Variants in LPP observed in about 807,000 individuals in gnomAD.
LPP encodes the protein lipoma-preferred partner.
Under a neutral mutation model 60.4 loss-of-function variants are expected in LPP, and 38 were observed. That is an observed-to-expected ratio of 0.63 (90% confidence interval 0.49 to 0.83). The LOEUF (loss-of-function observed/expected upper bound fraction) is 0.83, where lower values mean the gene tolerates loss of function less well. LPP is among the 40% of genes least tolerant of loss of function. The probability of loss-of-function intolerance (pLI) is 0.00; values close to 1 mark genes in which losing one functional copy is unlikely to be tolerated. For missense variants in LPP, 902 were observed against 783.6 expected, an observed-to-expected ratio of 1.15 and a Z score of -1.80; for synonymous variants, 328 against 290.8, an observed-to-expected ratio of 1.13 and a Z score of -1.30.
chr3:188,157,145 C>A (rs844106), intron 1 of LPP, among the ~76,000 whole-genome samples: 71,177 of 152,002 alleles, frequency 0.47, 17,725 homozygotes, highest in East Asian at 0.81. Context: ...TAAAATTGTT[C>A]ATCATGTCGT....
rs1770570628 is a variant in LPP at position 188,885,638 on chromosome 3, C to A, written c.*11159C>A. On this transcript the variant is annotated 3_prime_UTR_variant, in exon 12 of 12. Coordinates refer to ENST00000617246, the MANE Select transcript of LPP (RefSeq NM_001375462.1). ...CTTTATAGCAGCATGATTTATAATC[C>A]TTTGGGTATATACCCAGTAATGGGA... The A allele has an allele frequency of 6.4e-6, 1 of 155,220 alleles. No homozygotes were observed. Among genetic ancestry groups the A allele is most frequent in the South Asian group, 2.1e-4 (1 of 4,848 alleles). 9.6% of individuals were successfully genotyped at this position (155,220 alleles called of 1,614,324 possible).
chr3:188,461,291 T>C (rs1002187899), intron 4 of LPP, among the ~76,000 whole-genome samples: 4 of 152,300 alleles, frequency 2.6e-5, no homozygotes, highest in African/African-American at 4.8e-5. Flanking sequence ...GACATTTTTG[T>C]TGTCTGGCTA....
At chr3:188,751,911 G>T (rs73196777) in intron 8 of LPP, among the ~76,000 whole-genome samples, 2 of 152,040 alleles carry the variant, frequency 1.3e-5, no homozygotes, top group African/African-American at 4.8e-5. Context: ...AATTTCTACC[G>T]AAAAATTCCA....
intron 7 of LPP, among the ~76,000 whole-genome samples, chr3:188,665,911 A>C (rs1413147347): frequency 6.6e-6 from 1 of 152,244 alleles, no homozygotes. Flanking sequence ...TGCATTTAGT[A>C]TATAATTTTA....
intron 6 of LPP, among the ~76,000 whole-genome samples, chr3:188,553,465 G>C (rs1828698900): frequency 6.6e-6 from 1 of 152,110 alleles, no homozygotes; most frequent in South Asian, 2.1e-4. Context: ...GTGCATGTTG[G>C]AGCTGGCATT....
At chr3:188,646,729 GC>G (rs1851171125) in intron 7 of LPP, among the ~76,000 whole-genome samples, 1 of 152,156 alleles carries the variant, frequency 6.6e-6, no homozygotes, top group African/African-American at 2.4e-5. Flanking sequence ...CTCAACTGAT[GC>G]CCCACATTTG....
chr3:188,768,285 C>A (rs1560179021), intron 9 of LPP, among the ~76,000 whole-genome samples: 2 of 152,108 alleles, frequency 1.3e-5, no homozygotes, highest in South Asian at 2.1e-4. Flanking sequence ...GAGATGCTTA[C>A]CAAATCATTT....
intron 7 of LPP, among the ~76,000 whole-genome samples, chr3:188,681,887 C>T (rs547095282): frequency 6.6e-6 from 1 of 152,258 alleles, no homozygotes; most frequent in African/African-American, 2.4e-5. Flanking sequence ...CATACAGCAG[C>T]CCCAACACTG....
At chr3:188,828,640 A>AAAC (rs1756306374) in intron 9 of LPP, among the ~76,000 whole-genome samples, 2 of 146,976 alleles carry the variant, frequency 1.4e-5, no homozygotes, top group African/African-American at 5.0e-5. Flanking sequence ...AAAAAAAAAA[A>AAAC]CTCAGCTGCA....
intron 9 of LPP, among the ~76,000 whole-genome samples, chr3:188,807,734 T>G (rs369924443): frequency 6.6e-6 from 1 of 152,156 alleles, no homozygotes; most frequent in South Asian, 2.1e-4. Flanking sequence ...CATATGACAG[T>G]CTCTATATCT....
At chr3:188,199,650 T>C (rs2149074777) in intron 1 of LPP, among the ~76,000 whole-genome samples, 1 of 152,272 alleles carries the variant, frequency 6.6e-6, no homozygotes, top group African/African-American at 2.4e-5. Context: ...CTAGTTTGTG[T>C]AACTCTGATT....
At chr3:188,764,471 A>C (rs1007675662) in intron 9 of LPP, among the ~76,000 whole-genome samples, 3 of 152,144 alleles carry the variant, frequency 2.0e-5, no homozygotes, top group African/African-American at 7.2e-5. Context: ...AATCTGGGGC[A>C]ATTTCTTGGC....
intron 4 of LPP, among the ~76,000 whole-genome samples, chr3:188,441,559 A>C (rs1275756213): frequency 6.7e-6 from 1 of 150,124 alleles, no homozygotes; most frequent in Non-Finnish European, 1.5e-5. Context: ...AAATCCCCCT[A>C]AAGTTTTCCA....
intron 2 of LPP, among the ~76,000 whole-genome samples, chr3:188,315,404 A>G (rs1053760378): frequency 2.6e-5 from 4 of 152,170 alleles, no homozygotes; most frequent in East Asian, 1.9e-4. Context: ...AAAATCTTCA[A>G]TAATACCTTC....
In LPP at chr3:188,457,486, C is replaced by T. The variant is rs71308924; in HGVS notation, c.194-27106C>T. ...CTAGGAAGCATCTCCCTCCCAGGAG[C>T]GGAGTACTAGCTCTTCACTATCATT... On this transcript the variant is annotated intron_variant, in intron 4 of 11. Coordinates refer to ENST00000617246, the MANE Select transcript of LPP (RefSeq NM_001375462.1). Among the ~76,000 whole-genome samples, 160 of 152,110 alleles carry T rather than the reference C, an allele frequency of 1.1e-3. 5 individuals are homozygous for T. In the East Asian group the frequency reaches 0.026, roughly 25 times the overall value.
intron 6 of LPP, among the ~76,000 whole-genome samples, chr3:188,551,264 T>A (rs1443898434): frequency 6.6e-6 from 1 of 152,128 alleles, no homozygotes; most frequent in African/African-American, 2.4e-5. Context: ...CAGAAACCCC[T>A]GATAAAACCA....
intron 1 of LPP, among the ~76,000 whole-genome samples, chr3:188,173,892 C>T (rs1327950815): frequency 6.6e-6 from 1 of 152,132 alleles, no homozygotes; most frequent in Non-Finnish European, 1.5e-5. Context: ...CGGGGACTCC[C>T]AAAAATTAGG....
chr3:188,295,331 A>G (rs1175864838), intron 2 of LPP, among the ~76,000 whole-genome samples: 3 of 152,162 alleles, frequency 2.0e-5, no homozygotes, highest in African/African-American at 7.2e-5. Flanking sequence ...TTCCAGCTAT[A>G]TTTGAGTGGA....
intron 2 of LPP, among the ~76,000 whole-genome samples, chr3:188,293,855 A>G (rs1138938): frequency 6.6e-6 from 1 of 152,142 alleles, no homozygotes; most frequent in East Asian, 1.9e-4. Flanking sequence ...ACTTGAGGTC[A>G]GGAGTTCGAG....
Sources: allele counts gnomAD v4.1 joint callset (sites outside exome capture counted in the v4.1 genomes callset), GRCh38; gene constraint gnomAD v4.1.1; transcripts MANE v1.5; gene names NCBI Gene and HGNC (gene_info 2026-07-23, HGNC 2026-07-21).